Variants in VPS28 observed in about 807,000 individuals in gnomAD.
VPS28 encodes VPS28 subunit of ESCRT-I.
Under a neutral mutation model 33.7 loss-of-function variants are expected in VPS28, and 29 were observed. That is an observed-to-expected ratio of 0.86 (90% CI 0.64 to 1.17). VPS28 has a LOEUF of 1.17. VPS28 is among the 50% of genes most tolerant of loss of function. The pLI, the probability that VPS28 is intolerant of heterozygous loss-of-function variation, is 0.00. For missense variants in VPS28, 247 were observed against 312.2 expected (o/e 0.79, Z 1.57); for synonymous variants, 164 against 116.7 (o/e 1.40, Z -2.61).
rs782265476 is a variant in VPS28, at chr8:144,424,003, G to A, written c.548+38C>T. ...CTCCGCCTGGCTGGGAGGGTCTCGG[G>A]CACTGCGGGGCTCTGCCTGGCTGGG... On this transcript the variant is annotated intron_variant, in intron 9 of 9. Coordinates refer to ENST00000292510, the MANE Select transcript of VPS28 (RefSeq NM_016208.4). 12 of 1,603,290 alleles carry A rather than the reference G, an allele frequency of 7.5e-6. No individual in the cohort carries two copies. In the South Asian group the frequency reaches 1.1e-4, roughly 15 times the overall value.
intron 4 of VPS28, 74 bp downstream of exon 4, chr8:144,425,952 G>A (rs1554876610): frequency 6.8e-7 from 1 of 1,464,694 alleles, no homozygotes; most frequent in African/African-American, 1.4e-5. Context: ...AGTTTGGGGT[G>A]GGTCTGGAGG....
rs1470383935 is a variant in VPS28, at chr8:144,425,777, G to A, written c.105-5C>T. ...AGCTCTGCCATGTTGTCGTACCTGA[G>A]GACACACCTGTCTATCGGGCCAGGC... is the stretch of plus-strand genomic sequence containing the variant. On this transcript the variant is annotated splice_polypyrimidine_tract_variant and splice_region_variant and intron_variant, in intron 4 of 9. Transcript: ENST00000292510. The A allele has an allele frequency of 4.3e-6, 7 of 1,613,718 alleles. No homozygotes were observed. The highest frequency in any genetic ancestry group is 2.7e-5 in the African/African-American group (2 of 74,924).
Position 144,426,073 on chromosome 8 carries a change from A to C in VPS28, c.67-10T>G, listed in dbSNP as rs1822716374. ...TGTACAACTTCACTTCCTGCCGGAG[A>C]GAGCGGGCTCTGTGGGCCAGTGCCA... On this transcript the variant is annotated splice_polypyrimidine_tract_variant and intron_variant, in intron 3 of 9. Transcript: ENST00000292510. 6.5e-7 allele frequency: 1 copy of C among 1,546,034 alleles called. No individual in the cohort carries two copies. Among genetic ancestry groups the C allele is most frequent in the Non-Finnish European group, 8.8e-7 (1 of 1,141,654 alleles).
chr8:144,427,643 G>GC (rs1387891356), intron 1 of VPS28, among the ~76,000 whole-genome samples: 1 of 152,194 alleles, frequency 6.6e-6, no homozygotes, highest in Non-Finnish European at 1.5e-5. Context: ...AGCTGAAGGT[G>GC]CAGCTTCTCG....
chr8:144,426,412 G>A (rs1370675831), intron 2 of VPS28: 5 of 646,496 alleles, frequency 7.7e-6, no homozygotes, highest in Admixed American at 7.4e-5. Context: ...GAGAAGCCGG[G>A]GGCCGCATGA....
Position 144,426,939 on chromosome 8 carries a change from G to A in VPS28, c.7C>T (p.His3Tyr). ...ATGCCCGGCGTGGCTGGGATCCCAT[G>A]AAACATCCTCTAGGCTCTGGGGGGG... MFHGIPATPGIGA... is the reference protein window; with the variant it reads MFYGIPATPGIGA... Residue 3 changes from histidine to tyrosine, a missense_variant, in exon 2 of 10, where the codon CAT (histidine) becomes TAT (tyrosine). Physicochemically the swap from His to Tyr is moderately conservative, Grantham distance 83. This residue lies in a region of VPS28 where 149 missense variants were observed against 172.8 expected (regional missense o/e 0.86). Coordinates refer to ENST00000292510, the MANE Select transcript of VPS28 (RefSeq NM_016208.4). 1 of 1,612,594 alleles carries A rather than the reference G, an allele frequency of 6.2e-7. No individual in the cohort carries two copies. Among genetic ancestry groups the A allele is most frequent in the Non-Finnish European group, 8.5e-7 (1 of 1,179,764 alleles).
In VPS28 at chr8:144,424,795, G is replaced by A. The variant is rs782114137; in HGVS notation, c.325C>T (p.Arg109Trp). 6.2e-7 allele frequency: 1 copy of A among 1,613,824 alleles called. No individual in the cohort carries two copies. Among genetic ancestry groups the A allele is most frequent in the South Asian group, 1.1e-5 (1 of 91,088 alleles). ...FRLDCPLAME[R>W]IKEDRPITIK... ...GTGATGGGCCGGTCCTCCTTGATCC[G>A]CTCCATGGCCAGCGGGCAGTCCAGC... Residue 109 changes from arginine to tryptophan, a missense_variant, in exon 7 of 10, where the codon CGG becomes TGG. Around this residue, in one of 3 missense-constraint regions of VPS28, gnomAD observed 149 missense variants for 172.8 expected, o/e 0.86. Transcript: ENST00000292510.
chr8:144,428,274 G>C lies in VPS28; in HGVS notation c.-35+215C>G, dbSNP rs567793655. 1.0e-4 allele frequency among the ~76,000 whole-genome samples: 16 copies of C among 152,382 alleles called. No individual in the cohort carries two copies. In the East Asian group the frequency reaches 2.9e-3, roughly 28 times the overall value. The stretch of plus-strand genomic sequence containing the variant: ...CAGGAGCTTCTGCCTAACAGCGAAA[G>C]CGGACGTTCTGCGGCCACAAGCAAA... On this transcript the variant is annotated intron_variant, in intron 1 of 9. Coordinates refer to ENST00000292510, the MANE Select transcript of VPS28 (RefSeq NM_016208.4).
At chr8:144,423,976 G>A in intron 9 of VPS28, 54 bp from the exon 10 acceptor site, 1 of 1,610,286 alleles carries the variant, frequency 6.2e-7, no homozygotes, top group African/African-American at 1.3e-5. Context: ...GGCACTGCGG[G>A]GCTCCGCCTG....
chr8:144,424,337 C>T (rs1586663900), intron 7 of VPS28, 69 bp from the exon 8 acceptor site: 4 of 1,520,172 alleles, frequency 2.6e-6, no homozygotes, highest in Non-Finnish European at 3.5e-6. Flanking sequence ...TCACGGGCCC[C>T]AACCCCTCCT....
At chr8:144,428,465 G>C (rs1554877453) in intron 1 of VPS28, 24 bp downstream of exon 1, 1 of 152,202 alleles carries the variant, frequency 6.6e-6, no homozygotes, top group South Asian at 2.1e-4. Context: ...CCCCTTCCCC[G>C]CCCACCGGCC....
intron 5 of VPS28, chr8:144,425,373 T>C: frequency 1.8e-6 from 1 of 564,456 alleles, no homozygotes; most frequent in Non-Finnish European, 3.2e-6. Context: ...TCTTGTCACT[T>C]CATTGAACAA....
intron 5 of VPS28, chr8:144,425,346 G>A (rs1209457404): frequency 5.3e-6 from 3 of 561,904 alleles, no homozygotes; most frequent in Admixed American, 3.1e-5. Context: ...ATGGTCCTGT[G>A]CGGTGGCCTG....
chr8:144,425,674 G>C lies in VPS28; in HGVS notation c.194+9C>G, dbSNP rs2130818671. ...GCAGGAACAGACCTCCCAGGACGTG[G>C]GCTCTTACTCGCTGGGGGAGACACA... On this transcript the variant is annotated intron_variant, in intron 5 of 9. Coordinates refer to ENST00000292510, the MANE Select transcript of VPS28 (RefSeq NM_016208.4). The C allele has an allele frequency of 1.9e-6, 3 of 1,613,536 alleles. No homozygotes were observed. The highest frequency in any genetic ancestry group is 2.7e-5 in the African/African-American group (2 of 75,046).
intron 7 of VPS28, 183 bp from the exon 8 acceptor site, chr8:144,424,451 C>A: frequency 1.1e-6 from 1 of 882,428 alleles, no homozygotes; most frequent in East Asian, 2.7e-5. Flanking sequence ...TGTGTGGGAA[C>A]TGAAGGGTGG....
At chr8:144,427,569 G>A (rs1241254401) in intron 1 of VPS28, among the ~76,000 whole-genome samples, 1 of 152,118 alleles carries the variant, frequency 6.6e-6, no homozygotes, top group Admixed American at 6.5e-5. Flanking sequence ...GAGAGTTTGG[G>A]GCACAGGAAA....
intron 9 of VPS28, 39 bp downstream of exon 9, chr8:144,424,002 G>A (rs1554875888): frequency 6.2e-7 from 1 of 1,602,862 alleles, no homozygotes; most frequent in South Asian, 1.1e-5. Context: ...GAGGGTCTCG[G>A]GCACTGCGGG....
In VPS28 at chr8:144,428,478, G is replaced by GC. The variant is rs1442463251; in HGVS notation, c.-35+10dup. 1 of 152,166 alleles carries GC rather than the reference G, an allele frequency of 6.6e-6. No individual in the cohort carries two copies. Among genetic ancestry groups the GC allele is most frequent in the Non-Finnish European group, 1.5e-5 (1 of 68,016 alleles). 9.4% of individuals were successfully genotyped at this position (152,166 alleles called of 1,614,324 possible). A position where few individuals can be genotyped will look rare whatever the true frequency, so the allele number is the denominator to read the frequency against. ...TGCCCCTTCCCCGCCCACCGGCCGG[G>GC]CCCCGGGTACCTGGACGGCTCGCGG... On this transcript the variant is annotated intron_variant, in intron 1 of 9. Coordinates refer to ENST00000292510, the MANE Select transcript of VPS28 (RefSeq NM_016208.4).
intron 7 of VPS28, 127 bp from the exon 8 acceptor site, chr8:144,424,395 C>T (rs1822576564): frequency 1.6e-6 from 2 of 1,270,714 alleles, no homozygotes; most frequent in African/African-American, 3.0e-5. Flanking sequence ...TGTTCCCAAA[C>T]CCTGCAGGCC....
Sources: allele counts gnomAD v4.1 joint callset (sites outside exome capture counted in the v4.1 genomes callset), GRCh38; gene constraint gnomAD v4.1.1; regional missense constraint gnomAD v4.1.1; transcripts MANE v1.5; gene names NCBI Gene and HGNC (gene_info 2026-07-23, HGNC 2026-07-21).